SCML4: variants seen among roughly 807,000 people sequenced by gnomAD.
SCML4 encodes the protein sex comb on midleg-like protein 4.
Under a neutral mutation model 41.1 loss-of-function variants are expected in SCML4, and 34 were observed. The ratio of observed to expected loss-of-function variants is 0.83; its 90% CI spans 0.63 to 1.10. The LOEUF (loss-of-function observed/expected upper bound fraction) is 1.10, where lower values mean the gene tolerates loss of function less well. Ranked by LOEUF, SCML4 falls within the 50% of genes least tolerant of loss-of-function variation. The pLI is 0.00. For missense variants in SCML4, 522 were observed against 534.1 expected (o/e 0.98, Z 0.22); for synonymous variants, 214 against 220.9 (o/e 0.97, Z 0.28).
rs117493360 is a variant in SCML4, at chr6:107,734,294, G to T, written c.682+10655C>A. Reference sequence around the variant, plus strand: ...GACAAGAAGAGTGTTCACTTCTTTTGTTTGTTTGTTTGAATACAGTTACTT... The same window carrying T: ...GACAAGAAGAGTGTTCACTTCTTTTTTTTGTTTGTTTGAATACAGTTACTT... On this transcript the variant is annotated intron_variant, in intron 5 of 7. Transcript: ENST00000369020. Among the ~76,000 whole-genome samples the T allele has an allele frequency of 5.0e-3, 756 of 152,248 alleles. 9 individuals are homozygous for T. In the East Asian group the frequency reaches 0.053, roughly 11 times the overall value.
chr6:107,794,642 T>C (rs1180172910), intron 1 of SCML4, among the ~76,000 whole-genome samples: 1 of 152,222 alleles, frequency 6.6e-6, no homozygotes. Flanking sequence ...GATTCAAATC[T>C]ACCTGAGTGT....
intron 2 of SCML4, among the ~76,000 whole-genome samples, chr6:107,757,879 T>C (rs1779241278): frequency 6.6e-6 from 1 of 152,186 alleles, no homozygotes; most frequent in African/African-American, 2.4e-5. Flanking sequence ...TTTCCATGCT[T>C]ATCTCTTGGG....
In SCML4 at chr6:107,768,275, G is replaced by A. The variant is rs538183705; in HGVS notation, c.156+3897C>T. Among the ~76,000 whole-genome samples, 9 of 152,106 alleles carry A rather than the reference G, an allele frequency of 5.9e-5. No individual in the cohort carries two copies. In the South Asian group the frequency reaches 1.9e-3, roughly 32 times the overall value. On this transcript the variant is annotated intron_variant, in intron 2 of 7. Transcript: ENST00000369020. ...GAACAGCCTGGGTCCCCACCCCATG[G>A]AGCCATCATACCAGCCTTCCCACAC...
In SCML4 at chr6:107,704,381, G is replaced by GGC. The variant is rs892737819; in HGVS notation, c.*818_*819insGC. The stretch of plus-strand genomic sequence containing the variant: ...CCAAATTCTTGCCTTTGCTAGTTGA[G>GGC]TATCAGTCAGTCAGTCAATAATGAT... On this transcript the variant is annotated 3_prime_UTR_variant, in exon 8 of 8. Coordinates refer to ENST00000369020, the MANE Select transcript of SCML4 (RefSeq NM_198081.5). The GGC allele has an allele frequency of 5.9e-5, 9 of 152,212 alleles. No individual in the cohort carries two copies. Among genetic ancestry groups the GGC allele is most frequent in the African/African-American group, 1.9e-4 (8 of 41,446 alleles). The allele number at this position is 152,212 out of a possible 1,614,324, so 9.4% of individuals were successfully genotyped here. A position where few individuals can be genotyped will look rare whatever the true frequency, so the allele number is the denominator to read the frequency against.
chr6:107,809,194 G>T (rs1466357205), intron 1 of SCML4, among the ~76,000 whole-genome samples: 2 of 152,224 alleles, frequency 1.3e-5, no homozygotes, highest in Admixed American at 1.3e-4. Context: ...ACAAGGCACT[G>T]TCTTGTAAGC....
chr6:107,730,592 T>C (rs543690980), intron 5 of SCML4, among the ~76,000 whole-genome samples: 46 of 152,340 alleles, frequency 3.0e-4, no homozygotes, highest in African/African-American at 1.0e-3. Flanking sequence ...AAAAAAAGAA[T>C]GATCTGCCTT....
intron 5 of SCML4, among the ~76,000 whole-genome samples, chr6:107,731,732 A>C (rs944956364): frequency 6.6e-6 from 1 of 152,248 alleles, no homozygotes; most frequent in African/African-American, 2.4e-5. Context: ...AGATGGCAAC[A>C]TCAGAGATTC....
chr6:107,839,373 G>GA, the SCML4 span, among the ~76,000 whole-genome samples: 1 of 136,494 alleles, frequency 7.3e-6, no homozygotes, highest in South Asian at 2.4e-4. Context: ...AAGAAGGAAA[G>GA]AAAGAAAGAA....
rs1052943669 is a variant in SCML4, at chr6:107,703,576, C to T, written c.*1624G>A. On this transcript the variant is annotated 3_prime_UTR_variant, in exon 8 of 8. Coordinates refer to ENST00000369020, the MANE Select transcript of SCML4 (RefSeq NM_198081.5). ...TCTAACTATATAGAGGGTCACTCTGCAGATCTACCCAGGGCTGCCCTCAAG... is the reference window on the plus strand; with the variant it reads ...TCTAACTATATAGAGGGTCACTCTGTAGATCTACCCAGGGCTGCCCTCAAG... 1.3e-5 allele frequency among the ~76,000 whole-genome samples: 2 copies of T among 151,930 alleles called. No homozygotes were observed. Among genetic ancestry groups the T allele is most frequent in the African/African-American group, 4.8e-5 (2 of 41,322 alleles).
chr6:107,748,514 T>C (rs1778334692), intron 3 of SCML4, among the ~76,000 whole-genome samples: 1 of 152,206 alleles, frequency 6.6e-6, no homozygotes, highest in Non-Finnish European at 1.5e-5. Flanking sequence ...AGTAGACTGC[T>C]CAAAAACTGT....
At chr6:107,766,143 G>C (rs1055208547) in intron 2 of SCML4, among the ~76,000 whole-genome samples, 9 of 152,152 alleles carry the variant, frequency 5.9e-5, no homozygotes, top group African/African-American at 2.2e-4. Context: ...GCCCAGGTGG[G>C]CGGATCACCT....
chr6:107,785,972 G>T (rs1781859670), intron 1 of SCML4, among the ~76,000 whole-genome samples: 1 of 146,110 alleles, frequency 6.8e-6, no homozygotes, highest in Non-Finnish European at 1.5e-5. Context: ...GGGCCTTGGG[G>T]TGCTCCCATT....
At chr6:107,790,465 G>C (rs1366403236) in intron 1 of SCML4, among the ~76,000 whole-genome samples, 1 of 152,110 alleles carries the variant, frequency 6.6e-6, no homozygotes, top group Non-Finnish European at 1.5e-5. Context: ...TCCCTCGGGG[G>C]TTAGCCAGCA....
At chr6:107,755,161 T>A (rs2114522935) in intron 2 of SCML4, among the ~76,000 whole-genome samples, 1 of 152,062 alleles carries the variant, frequency 6.6e-6, no homozygotes, top group African/African-American at 2.4e-5. Flanking sequence ...TCAAATGAAG[T>A]AATGGAATTA....
Position 107,720,691 on chromosome 6 carries a change from G to A in SCML4, c.973+12C>T, listed in dbSNP as rs1421977776. 2 of 1,528,608 alleles carry A rather than the reference G, an allele frequency of 1.3e-6. No homozygotes were observed. Among genetic ancestry groups the A allele is most frequent in the Admixed American group, 2.2e-5 (1 of 46,310 alleles). The allele number at this position is 1,528,608 out of a possible 1,614,324, so 94.7% of individuals were successfully genotyped here. On this transcript the variant is annotated intron_variant, in intron 6 of 7. Transcript: ENST00000369020. ...TTAAGTCAGTGGGAAGCTGATGCAT[G>A]CATTACATTACCACATCTGTTTCCT...
At chr6:107,845,100 G>T in the SCML4 span, among the ~76,000 whole-genome samples, 1 of 152,080 alleles carries the variant, frequency 6.6e-6, no homozygotes, top group African/African-American at 2.4e-5. Context: ...AGCCGGGCAT[G>T]TGGCACACGC....
chr6:107,715,788 C>G (rs1294587524), intron 6 of SCML4, among the ~76,000 whole-genome samples: 2 of 152,188 alleles, frequency 1.3e-5, no homozygotes, highest in East Asian at 1.9e-4. Context: ...CAATACCCAC[C>G]CTTCTGCCTG....
intron 6 of SCML4, chr6:107,719,066 G>A (rs902796250): frequency 6.6e-6 from 1 of 152,204 alleles, no homozygotes; most frequent in Non-Finnish European, 1.5e-5. Context: ...TTACAGTGTT[G>A]GTTCGTGAAA....
chr6:107,799,496 T>G lies in SCML4; in HGVS notation c.-60+24630A>C, dbSNP rs79357268. Reference sequence around the variant, plus strand: ...GTAGCCAACATAGTTGGATCTTGTTTTTGTTATTCAGTCTGATAATCTCTG... The same window carrying G: ...GTAGCCAACATAGTTGGATCTTGTTGTTGTTATTCAGTCTGATAATCTCTG... On this transcript the variant is annotated intron_variant, in intron 1 of 7. Transcript: ENST00000369020. Among the ~76,000 whole-genome samples the G allele has an allele frequency of 6.5e-3, 987 of 152,312 alleles. 13 individuals are homozygous for G. Among genetic ancestry groups the G allele is most frequent in the African/African-American group, 0.023 (947 of 41,588 alleles).
Sources: allele counts gnomAD v4.1 joint callset (sites outside exome capture counted in the v4.1 genomes callset), GRCh38; gene constraint gnomAD v4.1.1; transcripts MANE v1.5; gene names NCBI Gene and HGNC (gene_info 2026-07-23, HGNC 2026-07-21).